The following CDC23 variants were observed in gnomAD, a reference collection of about 807,000 sequenced individuals.
The protein encoded by CDC23 is cell division cycle protein 23 homolog.
Under a neutral mutation model 81.7 loss-of-function variants are expected in CDC23, and 26 were observed. The ratio of observed to expected loss-of-function variants is 0.32; its 90% CI spans 0.23 to 0.44. CDC23 has a LOEUF of 0.44. Ranked by LOEUF, CDC23 falls within the 20% of genes least tolerant of loss-of-function variation. CDC23 has a pLI of 1.00. For synonymous variants in CDC23, 267 were observed against 270.8 expected (o/e 0.99, Z 0.14); for missense variants, 519 against 728.0 (o/e 0.71, Z 3.30).
At chr5:138,202,188 T>A (rs1393691189) in intron 3 of CDC23, 33 bp from the exon 4 acceptor site, 2 of 1,553,078 alleles carry the variant, frequency 1.3e-6, no homozygotes. Context: ...AGGTCTTTTT[T>A]CAGTTTATTC....
chr5:138,193,796 T>C (rs1434700378), intron 9 of CDC23, among the ~76,000 whole-genome samples: 1 of 150,964 alleles, frequency 6.6e-6, no homozygotes, highest in Admixed American at 6.6e-5. Context: ...CGGTCTCTAC[T>C]AAAAATACAA....
chr5:138,192,729 T>C, intron 9 of CDC23, 72 bp from the exon 10 acceptor site: 1 of 1,371,356 alleles, frequency 7.3e-7, no homozygotes, highest in South Asian at 1.3e-5. Flanking sequence ...ATAGATAGCA[T>C]TCCACCAAAT....
intron 9 of CDC23, among the ~76,000 whole-genome samples, chr5:138,195,092 C>T (rs1290636264): frequency 6.6e-6 from 1 of 151,824 alleles, no homozygotes; most frequent in Non-Finnish European, 1.5e-5. Context: ...TACACCAAGA[C>T]TAAGAAGGAT....
chr5:138,204,963 G>A (rs946656454), intron 3 of CDC23, among the ~76,000 whole-genome samples: 3 of 151,436 alleles, frequency 2.0e-5, no homozygotes, highest in Admixed American at 1.3e-4. Context: ...TGCCCAGGCT[G>A]GAGTATAGTG....
intron 2 of CDC23, 60 bp from the exon 3 acceptor site, chr5:138,206,744 A>G: frequency 6.7e-7 from 1 of 1,492,704 alleles, no homozygotes. Context: ...CTTCAAATCT[A>G]AAAAGTATAT....
rs1262613257 is a variant in CDC23 at position 138,195,541 on chromosome 5, TATATA to T, written c.1012+2653_1012+2657del. Among the ~76,000 whole-genome samples the T allele has an allele frequency of 1.4e-3, 162 of 114,184 alleles. 1 individual carries two copies. The highest frequency in any genetic ancestry group is 4.7e-3 in the African/African-American group (140 of 29,518). The allele number at this position is 114,184 out of a possible 152,430, so 74.9% of individuals were successfully genotyped here. A position where few individuals can be genotyped will look rare whatever the true frequency, so the allele number is the denominator to read the frequency against. The stretch of plus-strand genomic sequence containing the variant: ...AATATATATAAATTATATATATTTA[TATATA>T]ATATAATTATATATAATATATTTAT... On this transcript the variant is annotated intron_variant, in intron 9 of 15. Transcript: ENST00000394886.
Position 138,195,537 on chromosome 5 carries a change from TTTATATATAATATAA to T in CDC23, c.1012+2647_1012+2661del, listed in dbSNP as rs796136358. 1.5e-4 allele frequency among the ~76,000 whole-genome samples: 17 copies of T among 116,982 alleles called. No individual in the cohort carries two copies. In the South Asian group the frequency reaches 3.4e-3, roughly 24 times the overall value. The allele number at this position is 116,982 out of a possible 152,430, so 76.7% of individuals were successfully genotyped here. On this transcript the variant is annotated intron_variant, in intron 9 of 15. Transcript: ENST00000394886. ...TATAAATATATATAAATTATATATA[TTTATATATAATATAA>T]TTATATATAATATATTTATATATAA...
Position 138,196,299 on chromosome 5 carries a change from T to TC in CDC23, c.1012+1899_1012+1900insG, listed in dbSNP as rs1344820513. Among the ~76,000 whole-genome samples the TC allele has an allele frequency of 4.0e-5, 6 of 151,812 alleles. No individual in the cohort carries two copies. The East Asian group carries it at 1.2e-3, about 29-fold the overall frequency. On this transcript the variant is annotated intron_variant, in intron 9 of 15. Coordinates refer to ENST00000394886, the MANE Select transcript of CDC23 (RefSeq NM_004661.4). ...TTATTCTTCTCATATATATTGATTTTTTTTTTTTTTTGAGATGGAGTCTCA... is the reference window on the plus strand; with the variant it reads ...TTATTCTTCTCATATATATTGATTTTCTTTTTTTTTTTGAGATGGAGTCTCA...
intron 4 of CDC23, among the ~76,000 whole-genome samples, 200 bp from the exon 5 acceptor site, chr5:138,201,648 A>G (rs1020029339): frequency 6.6e-6 from 1 of 152,056 alleles, no homozygotes; most frequent in Non-Finnish European, 1.5e-5. Flanking sequence ...TACCCAGCTC[A>G]TTTTCATATG....
chr5:138,191,223 T>TGACCTCAGGTCATCCACCTCCC (rs1754823606), intron 13 of CDC23, among the ~76,000 whole-genome samples: 1 of 152,144 alleles, frequency 6.6e-6, no homozygotes, highest in African/African-American at 2.4e-5. Context: ...CTTGAACTCC[T>TGACCTCAGGTCATCCACCTCCC]GACCTCAGGT....
chr5:138,207,771 C>T (rs1755068000), intron 2 of CDC23, among the ~76,000 whole-genome samples: 1 of 151,988 alleles, frequency 6.6e-6, no homozygotes. Context: ...GCCTGGGCAA[C>T]GTGGCAAGAC....
Position 138,191,554 on chromosome 5 carries a change from G to C in CDC23, c.1363-19C>G. 6.2e-7 allele frequency: 1 copy of C among 1,610,978 alleles called. No individual in the cohort carries two copies. On this transcript the variant is annotated intron_variant, in intron 12 of 15. Coordinates refer to ENST00000394886, the MANE Select transcript of CDC23 (RefSeq NM_004661.4). The stretch of plus-strand genomic sequence containing the variant: ...AATAACACTGTCAAAAAAATAAACT[G>C]GTCATTTTGACCATTGTCCCATGTG...
Position 138,188,855 on chromosome 5 carries a change from G to C in CDC23, c.*123C>G. 1.2e-6 allele frequency: 1 copy of C among 857,106 alleles called. No individual in the cohort carries two copies. Among genetic ancestry groups the C allele is most frequent in the Non-Finnish European group, 1.8e-6 (1 of 566,236 alleles). The allele number at this position is 857,106 out of a possible 1,614,324, so 53.1% of individuals were successfully genotyped here. On this transcript the variant is annotated 3_prime_UTR_variant, in exon 16 of 16. Coordinates refer to ENST00000394886, the MANE Select transcript of CDC23 (RefSeq NM_004661.4). ...GGTAATTATACAAGCTGTCCCTATGGAGCTGTTGCCATCTGTAGAAACAAG... is the reference window on the plus strand; with the variant it reads ...GGTAATTATACAAGCTGTCCCTATGCAGCTGTTGCCATCTGTAGAAACAAG...
rs374736350 is a variant in CDC23 at position 138,191,879 on chromosome 5, G to T, written c.1345C>A (p.Leu449Ile). The change falls in exon 12 of 16, where the codon CTA (leucine) becomes ATA (isoleucine). Residue 449 changes from leucine (L) to isoleucine (I), a missense_variant. Coordinates refer to ENST00000394886, the MANE Select transcript of CDC23 (RefSeq NM_004661.4). ...TAAGGTACCTTTTTGGCTTCCACTA[G>T]TTGATTGAGTTTCTCGTAACATTCT... Reference protein sequence around the residue: ...LGECYEKLNQLVEAKKCYWRA... With the variant: ...LGECYEKLNQIVEAKKCYWRA... 1 of 1,613,852 alleles carries T rather than the reference G, an allele frequency of 6.2e-7. No homozygotes were observed. Among genetic ancestry groups the T allele is most frequent in the African/African-American group, 1.3e-5 (1 of 74,910 alleles).
At chr5:138,192,148 T>G in intron 11 of CDC23, 121 bp downstream of exon 11, 1 of 1,291,212 alleles carries the variant, frequency 7.7e-7, no homozygotes, top group East Asian at 2.4e-5. Context: ...TTCAGCAACT[T>G]TAACCTCAGA....
At chr5:138,191,979 A>AAAGG in intron 11 of CDC23, 42 bp from the exon 12 acceptor site, 1 of 1,549,208 alleles carries the variant, frequency 6.5e-7, no homozygotes, top group South Asian at 1.1e-5. Context: ...GACTTTACAG[A>AAAGG]AACTGAAGTT....
intron 13 of CDC23, 36 bp downstream of exon 13, chr5:138,191,438 C>T (rs1442035324): frequency 6.3e-7 from 1 of 1,596,986 alleles, no homozygotes; most frequent in African/African-American, 1.3e-5. Context: ...GAGAAGCCAA[C>T]AGAAATATCA....
intron 4 of CDC23, 81 bp from the exon 5 acceptor site, chr5:138,201,529 T>C (rs1754989604): frequency 9.9e-7 from 1 of 1,013,572 alleles, no homozygotes; most frequent in Non-Finnish European, 1.4e-6. Context: ...TTTATTTTTC[T>C]AGAGACAGGG....
chr5:138,197,079 A>T (rs1295376724), intron 9 of CDC23, among the ~76,000 whole-genome samples: 3 of 150,150 alleles, frequency 2.0e-5, no homozygotes, highest in Admixed American at 2.0e-4. Flanking sequence ...TGTTTTAAAA[A>T]GAACTGTTAA....
Sources: allele counts gnomAD v4.1 joint callset (sites outside exome capture counted in the v4.1 genomes callset), GRCh38; gene constraint gnomAD v4.1.1; transcripts MANE v1.5; gene names NCBI Gene and HGNC (gene_info 2026-07-23, HGNC 2026-07-21).